The following ZFAT variants were observed in gnomAD, a reference collection of about 807,000 sequenced individuals.
ZFAT encodes the protein zinc finger and AT-hook domain containing.
A neutral mutation model predicts 117.7 loss-of-function variants in ZFAT; 64 were observed. The ratio of observed to expected loss-of-function variants is 0.54; its 90% CI spans 0.44 to 0.67. The LOEUF (loss-of-function observed/expected upper bound fraction) is 0.67. ZFAT is among the 30% of genes least tolerant of loss of function. ZFAT has a pLI of 0.00. For synonymous variants in ZFAT, 679 were observed against 615.0 expected, an observed-to-expected ratio of 1.10 and a Z score of -1.54; for missense variants, 1,433 against 1,584.5, an observed-to-expected ratio of 0.90 and a Z score of 1.62.
chr8:134,679,597 A>C (rs1041201517), intron 1 of ZFAT, among the ~76,000 whole-genome samples: 2 of 152,234 alleles, frequency 1.3e-5, no homozygotes, highest in Non-Finnish European at 2.9e-5. Flanking sequence ...GTATATATCC[A>C]AAGGATTATA....
chr8:134,569,549 C>G (rs1824726018), intron 10 of ZFAT, among the ~76,000 whole-genome samples: 1 of 152,166 alleles, frequency 6.6e-6, no homozygotes, highest in African/African-American at 2.4e-5. Context: ...ACTATGTTCT[C>G]TTTCTGGCCC....
chr8:134,491,429 A>G (rs1393021176), intron 15 of ZFAT, among the ~76,000 whole-genome samples: 1 of 152,210 alleles, frequency 6.6e-6, no homozygotes, highest in Non-Finnish European at 1.5e-5. Context: ...TTGTTGCTTT[A>G]ACCAATTACT....
chr8:134,544,784 T>C (rs1440352112), intron 11 of ZFAT, among the ~76,000 whole-genome samples: 1 of 151,980 alleles, frequency 6.6e-6, no homozygotes, highest in African/African-American at 2.4e-5. Flanking sequence ...AGAAGGTCAC[T>C]GCACAGCCAC....
At chr8:134,558,227 G>A (rs1254136085) in intron 11 of ZFAT, among the ~76,000 whole-genome samples, 3 of 152,192 alleles carry the variant, frequency 2.0e-5, no homozygotes, top group African/African-American at 4.8e-5. Flanking sequence ...CTCTCTTCAT[G>A]AAAGAGCAAA....
chr8:134,550,773 C>T (rs1339646420), intron 11 of ZFAT, among the ~76,000 whole-genome samples: 1 of 152,160 alleles, frequency 6.6e-6, no homozygotes, highest in East Asian at 1.9e-4. Flanking sequence ...AGAGACTTTG[C>T]ATTTCAAACC....
the ZFAT span, among the ~76,000 whole-genome samples, chr8:134,762,967 G>C: frequency 6.6e-6 from 1 of 152,044 alleles, no homozygotes. Context: ...TTCCTCCCCT[G>C]TCTAAGCCAC....
intron 13 of ZFAT, among the ~76,000 whole-genome samples, chr8:134,519,594 G>T (rs1349050582): frequency 6.6e-6 from 1 of 151,934 alleles, no homozygotes; most frequent in Non-Finnish European, 1.5e-5. Context: ...TCATTCTTTT[G>T]GATTTTCTGA....
intron 2 of ZFAT, chr8:134,639,737 G>A (rs1435219146): frequency 6.6e-6 from 3 of 456,282 alleles, no homozygotes; most frequent in South Asian, 4.6e-5. Context: ...ATTCATATCA[G>A]AGAAGCAGAA....
rs749520400 is a variant in ZFAT at position 134,657,543 on chromosome 8, AC to A, written c.196+17del. On this transcript the variant is annotated intron_variant, in intron 2 of 15. Transcript: ENST00000377838. ...GGTGTGTCAGAAGGTATCCTGCCCC[AC>A]CCCCCAGCCCCCTTACCATCTCCGG... is the stretch of plus-strand genomic sequence containing the variant. 2.3e-5 allele frequency: 37 copies of A among 1,586,584 alleles called. No individual in the cohort carries two copies. The highest frequency in any genetic ancestry group is 7.0e-5 in the Admixed American group (4 of 56,886).
the ZFAT span, among the ~76,000 whole-genome samples, chr8:134,808,074 A>G: frequency 6.6e-6 from 1 of 152,324 alleles, no homozygotes; most frequent in East Asian, 1.9e-4. Flanking sequence ...TGATAATTCT[A>G]TTTTACAGAT....
chr8:134,588,180 C>T, intron 9 of ZFAT, 66 bp downstream of exon 9: 3 of 1,489,382 alleles, frequency 2.0e-6, no homozygotes, highest in Non-Finnish European at 2.7e-6. Flanking sequence ...TCTTAATGTA[C>T]TCCCAAAATG....
intron 11 of ZFAT, among the ~76,000 whole-genome samples, chr8:134,562,317 C>T (rs1356426994): frequency 6.6e-6 from 1 of 152,098 alleles, no homozygotes; most frequent in South Asian, 2.1e-4. Context: ...TTCCAAACTA[C>T]AGAAATGTAA....
chr8:134,496,640 C>T (rs894351), intron 15 of ZFAT, among the ~76,000 whole-genome samples: 20,914 of 152,250 alleles, frequency 0.14, 1,854 homozygotes, highest in Non-Finnish European at 0.19. Flanking sequence ...AGGCCCTGAG[C>T]CAAGTGCTAG....
chr8:134,519,279 C>G (rs1275533624), intron 13 of ZFAT, among the ~76,000 whole-genome samples: 2 of 152,142 alleles, frequency 1.3e-5, no homozygotes, highest in African/African-American at 2.4e-5. Flanking sequence ...TTAATTTCCT[C>G]AACTCTAGGT....
chr8:134,712,920 G>A lies in ZFAT; in HGVS notation c.-57C>T, dbSNP rs1191832231. 1 of 1,366,886 alleles carries A rather than the reference G, an allele frequency of 7.3e-7. No homozygotes were observed. 84.7% of individuals were successfully genotyped at this position (1,366,886 alleles called of 1,614,324 possible). ...CTCGGGCTCTTCCGGGCCCCCTCCC[G>A]TGCCGACCGAGGGGGCGGGGCGCCC... is the stretch of plus-strand genomic sequence containing the variant. On this transcript the variant is annotated 5_prime_UTR_variant, in exon 1 of 16. In the 5' UTR this introduces an upstream ATG that the reference lacks. Transcript: ENST00000377838.
intron 10 of ZFAT, among the ~76,000 whole-genome samples, chr8:134,566,476 A>G (rs1824479150): frequency 6.6e-6 from 1 of 152,008 alleles, no homozygotes; most frequent in African/African-American, 2.4e-5. Flanking sequence ...TAATAGATAT[A>G]TGAGGTACCC....
At chr8:134,587,808 G>A (rs1826176256) in intron 9 of ZFAT, among the ~76,000 whole-genome samples, 1 of 152,162 alleles carries the variant, frequency 6.6e-6, no homozygotes, top group Non-Finnish European at 1.5e-5. Context: ...TCCATAGCCT[G>A]AATGGTAACA....
chr8:134,644,264 G>GGGGGA (rs1383012620), intron 2 of ZFAT, among the ~76,000 whole-genome samples: 1 of 152,168 alleles, frequency 6.6e-6, no homozygotes. Context: ...GAGATGGAAA[G>GGGGGA]GGGGAGGGGA....
At chr8:134,480,386 A>T (rs1366654262) in intron 15 of ZFAT, among the ~76,000 whole-genome samples, 3 of 152,236 alleles carry the variant, frequency 2.0e-5, no homozygotes, top group African/African-American at 7.2e-5. Context: ...AAGCTCCACA[A>T]GGGCAGGACC....
Sources: gnomAD v4.1 joint callset for allele counts (sites outside exome capture counted in the v4.1 genomes callset) on GRCh38, gnomAD v4.1.1 for gene constraint, MANE v1.5 for transcripts, NCBI Gene and HGNC (gene_info 2026-07-23, HGNC 2026-07-21) for gene names.